Variants in SGCZ observed in about 807,000 individuals in gnomAD.
SGCZ encodes sarcoglycan zeta, also known as zeta-sarcoglycan.
SGCZ carries 40 observed loss-of-function variants against 41.3 expected under a neutral mutation model. That is an observed-to-expected ratio of 0.97 (90% CI 0.75 to 1.26). The LOEUF (loss-of-function observed/expected upper bound fraction) is 1.26, where lower values mean the gene tolerates loss of function less well. Among genes scored for constraint, SGCZ ranks in the 50% most tolerant of loss-of-function variants. The probability of loss-of-function intolerance (pLI) is 0.00; values close to 1 mark genes in which losing one functional copy is unlikely to be tolerated. For missense variants in SGCZ, 552 were observed against 369.8 expected (o/e 1.49, Z -4.04); for synonymous variants, 206 against 137.5 (o/e 1.50, Z -3.49).
chr8:14,488,440 C>T (rs982285617), intron 2 of SGCZ, among the ~76,000 whole-genome samples: 1 of 152,076 alleles, frequency 6.6e-6, no homozygotes, highest in Non-Finnish European at 1.5e-5. Context: ...CCTTCTGATG[C>T]TAGGCCCTTC....
chr8:15,047,872 G>C (rs1804369807), intron 1 of SGCZ, among the ~76,000 whole-genome samples: 1 of 151,984 alleles, frequency 6.6e-6, no homozygotes, highest in African/African-American at 2.4e-5. Context: ...ATGTACACTA[G>C]TACACTGTTG....
intron 7 of SGCZ, among the ~76,000 whole-genome samples, chr8:14,095,141 T>G (rs1286237857): frequency 6.6e-6 from 1 of 152,204 alleles, no homozygotes; most frequent in East Asian, 1.9e-4. Context: ...TAGATCCTAT[T>G]TGTCAATACT....
rs138978977 is a variant in SGCZ, at chr8:14,800,285, C to T, written c.40-245359G>A. 6.8e-4 allele frequency among the ~76,000 whole-genome samples: 103 copies of T among 152,230 alleles called. 1 individual carries two copies. The East Asian group carries it at 0.017, about 25-fold the overall frequency. On this transcript the variant is annotated intron_variant, in intron 1 of 7. Coordinates refer to ENST00000382080, the MANE Select transcript of SGCZ (RefSeq NM_139167.4). Reference sequence around the variant, plus strand: ...AAAAGACATAAAAATGTCTATCACTCTAGTGGGTGTGTCTAAAATTTTTTT... The same window carrying T: ...AAAAGACATAAAAATGTCTATCACTTTAGTGGGTGTGTCTAAAATTTTTTT...
intron 3 of SGCZ, among the ~76,000 whole-genome samples, chr8:14,244,247 CTCCTTCTCT>C (rs550862469): frequency 2.4e-4 from 36 of 151,000 alleles, no homozygotes; most frequent in African/African-American, 8.5e-4. Context: ...CTTCTTCCTC[CTCCTTCTCT>C]TCCTTCTTCC....
intron 1 of SGCZ, among the ~76,000 whole-genome samples, chr8:15,208,873 A>G (rs1031222175): frequency 7.8e-6 from 1 of 128,786 alleles, no homozygotes; most frequent in Non-Finnish European, 1.7e-5. Flanking sequence ...TCCTAAATAT[A>G]TATATACACA....
intron 1 of SGCZ, among the ~76,000 whole-genome samples, chr8:14,838,027 C>G (rs1268403208): frequency 1.3e-5 from 2 of 152,056 alleles, no homozygotes; most frequent in Non-Finnish European, 2.9e-5. Context: ...GAACAAAATC[C>G]TATCATTTGC....
At chr8:14,837,002 T>G (rs1424387569) in intron 1 of SGCZ, among the ~76,000 whole-genome samples, 2 of 152,188 alleles carry the variant, frequency 1.3e-5, no homozygotes, top group African/African-American at 4.8e-5. Flanking sequence ...TCAAAGAATT[T>G]ATAGTTATTT....
At chr8:14,371,769 G>T (rs1803916493) in intron 2 of SGCZ, among the ~76,000 whole-genome samples, 1 of 152,082 alleles carries the variant, frequency 6.6e-6, no homozygotes, top group Non-Finnish European at 1.5e-5. Flanking sequence ...CAGGTTTAGG[G>T]TGACAAATAA....
chr8:14,763,175 C>T (rs888487305), intron 1 of SGCZ, among the ~76,000 whole-genome samples: 1 of 152,178 alleles, frequency 6.6e-6, no homozygotes, highest in South Asian at 2.1e-4. Context: ...AAAATAGTCT[C>T]AGAGACTGGC....
intron 1 of SGCZ, among the ~76,000 whole-genome samples, chr8:15,211,085 A>G (rs1477470553): frequency 6.6e-6 from 1 of 150,664 alleles, no homozygotes; most frequent in Non-Finnish European, 1.5e-5. Context: ...AGATAGATAT[A>G]GATATAGATA....
At chr8:14,472,704 A>G (rs1801248172) in intron 2 of SGCZ, among the ~76,000 whole-genome samples, 1 of 152,138 alleles carries the variant, frequency 6.6e-6, no homozygotes, top group Admixed American at 6.6e-5. Flanking sequence ...GAAGGAATAT[A>G]TCAGTATTAA....
intron 4 of SGCZ, among the ~76,000 whole-genome samples, chr8:14,192,351 C>A (rs1243524508): frequency 6.6e-6 from 1 of 151,772 alleles, no homozygotes; most frequent in African/African-American, 2.4e-5. Flanking sequence ...CTTATCTAAC[C>A]TGAATTTTCT....
At chr8:14,751,077 A>C (rs1347026851) in intron 1 of SGCZ, among the ~76,000 whole-genome samples, 3 of 152,248 alleles carry the variant, frequency 2.0e-5, no homozygotes, top group African/African-American at 7.2e-5. Context: ...TGTAAAAGTA[A>C]GAAAAATCAC....
At chr8:14,668,373 T>C (rs1807984920) in intron 1 of SGCZ, among the ~76,000 whole-genome samples, 1 of 152,220 alleles carries the variant, frequency 6.6e-6, no homozygotes, top group Middle Eastern at 3.2e-3. Context: ...CCTGACTTTA[T>C]ACTCCACTTC....
intron 1 of SGCZ, among the ~76,000 whole-genome samples, chr8:14,699,489 T>C (rs1324592064): frequency 6.6e-6 from 1 of 151,814 alleles, no homozygotes; most frequent in African/African-American, 2.4e-5. Flanking sequence ...AAAATCTAAA[T>C]TTAAGACCTA....
rs185681741 is a variant in SGCZ, at chr8:15,178,971, T to C, written c.39+58614A>G. Among the ~76,000 whole-genome samples the C allele has an allele frequency of 2.8e-3, 425 of 152,326 alleles. 3 individuals are homozygous for C. Among genetic ancestry groups the C allele is most frequent in the Non-Finnish European group, 3.9e-3 (266 of 68,036 alleles). On this transcript the variant is annotated intron_variant, in intron 1 of 7. Coordinates refer to ENST00000382080, the MANE Select transcript of SGCZ (RefSeq NM_139167.4). ...AAAATATGATAAACAATTTTAGATA[T>C]TGTCTTGGCATTTGGACACATTATG...
intron 1 of SGCZ, among the ~76,000 whole-genome samples, chr8:14,598,806 G>C (rs777560849): frequency 3.3e-5 from 5 of 152,012 alleles, no homozygotes; most frequent in Non-Finnish European, 7.4e-5. Flanking sequence ...TGAGATTACA[G>C]GTATGAGGCA....
At chr8:14,275,156 C>A (rs1230793567) in intron 3 of SGCZ, among the ~76,000 whole-genome samples, 1 of 152,106 alleles carries the variant, frequency 6.6e-6, no homozygotes, top group East Asian at 1.9e-4. Context: ...GGTCTCTCGA[C>A]TCAGTCAAAT....
chr8:14,996,530 T>A (rs1036306451), intron 1 of SGCZ, among the ~76,000 whole-genome samples: 1 of 152,202 alleles, frequency 6.6e-6, no homozygotes, highest in Non-Finnish European at 1.5e-5. Context: ...GCCTCCCAAG[T>A]AGCTGGGAGT....
Sources: gnomAD v4.1 joint callset for allele counts (sites outside exome capture counted in the v4.1 genomes callset) on GRCh38, gnomAD v4.1.1 for gene constraint, MANE v1.5 for transcripts, NCBI Gene and HGNC (gene_info 2026-07-23, HGNC 2026-07-21) for gene names.